SSPN: variants seen among roughly 807,000 people sequenced by gnomAD.
SSPN encodes the protein sarcospan.
A neutral mutation model predicts 19.1 loss-of-function variants in SSPN; 15 were observed. The observed-to-expected ratio is 0.78, with a 90% CI of 0.52 to 1.21. The LOEUF (loss-of-function observed/expected upper bound fraction) is 1.21. Among genes scored for constraint, SSPN ranks in the 50% most tolerant of loss-of-function variants. SSPN has a pLI of 0.00. For synonymous variants in SSPN, 147 were observed against 140.3 expected (o/e 1.05, Z -0.34); for missense variants, 291 against 314.0 (o/e 0.93, Z 0.55).
intron 1 of SSPN, chr12:26,125,046 G>C (rs1944352072): frequency 5.4e-6 from 3 of 552,906 alleles, no homozygotes; most frequent in Non-Finnish European, 9.9e-6. Context: ...TGGCCACAGG[G>C]CACGCGCGTC....
intron 2 of SSPN, among the ~76,000 whole-genome samples, chr12:26,227,928 G>A (rs1481760099): frequency 6.6e-6 from 1 of 152,134 alleles, no homozygotes; most frequent in Non-Finnish European, 1.5e-5. Flanking sequence ...TTTAATCTCT[G>A]AGCCAAAAAG....
rs1038969665 is a variant in SSPN, at chr12:26,232,493, A to C, written c.*1417A>C. Reference sequence around the variant, plus strand: ...TCAGTATGCTTTGTTGAAAGCAGAAATTAAGATAATAATTGAGTTCAATTC... The same window carrying C: ...TCAGTATGCTTTGTTGAAAGCAGAACTTAAGATAATAATTGAGTTCAATTC... On this transcript the variant is annotated 3_prime_UTR_variant, in exon 3 of 3. Coordinates refer to ENST00000242729, the MANE Select transcript of SSPN (RefSeq NM_005086.5). 2.0e-6 allele frequency: 2 copies of C among 985,406 alleles called. No homozygotes were observed. The highest frequency in any genetic ancestry group is 9.4e-5 in the South Asian group (2 of 21,292). 61.0% of individuals were successfully genotyped at this position (985,406 alleles called of 1,614,324 possible).
At chr12:26,195,989 A>G (rs1250860139) in intron 1 of SSPN, 38 bp downstream of exon 1, 1 of 1,424,384 alleles carries the variant, frequency 7.0e-7, no homozygotes, top group Admixed American at 2.9e-5. Context: ...CGCGTTTGCC[A>G]AACAGGAATG....
chr12:26,155,997 G>A (rs1011744811), intron 1 of SSPN, among the ~76,000 whole-genome samples: 1 of 152,210 alleles, frequency 6.6e-6, no homozygotes, highest in African/African-American at 2.4e-5. Flanking sequence ...TGATGAAGAA[G>A]ATTGGGAGGG....
intron 1 of SSPN, among the ~76,000 whole-genome samples, chr12:26,213,555 G>A (rs1371958406): frequency 1.3e-5 from 2 of 151,596 alleles, no homozygotes; most frequent in African/African-American, 4.9e-5. Flanking sequence ...GTTCCCTTTT[G>A]TTGTCCTTTC....
At chr12:26,135,431 G>A (rs924431863) in intron 1 of SSPN, among the ~76,000 whole-genome samples, 4 of 152,152 alleles carry the variant, frequency 2.6e-5, no homozygotes, top group Admixed American at 1.3e-4. Context: ...AGGCACAGAG[G>A]AGGCAAGGAG....
intron 1 of SSPN, among the ~76,000 whole-genome samples, chr12:26,158,857 G>A (rs1287971603): frequency 6.6e-6 from 1 of 152,258 alleles, no homozygotes; most frequent in Non-Finnish European, 1.5e-5. Flanking sequence ...CAGGACATTG[G>A]CTACCTGCTC....
At position 26,125,232 on chromosome 12, in the gene SSPN, A is replaced by C. The variant is rs565925688; in HGVS notation, c.-31+3080A>C. Reference sequence around the variant, plus strand: ...ATCAGGGCCACCGGAAAGGAAAAACAACTTCGGCCAAGCTATTCATCTTCC... The same window carrying C: ...ATCAGGGCCACCGGAAAGGAAAAACCACTTCGGCCAAGCTATTCATCTTCC... On this transcript the variant is annotated intron_variant, in intron 1 of 2. Coordinates refer to the SSPN transcript ENST00000538142. 1.8e-3 allele frequency: 447 copies of C among 252,880 alleles called. 2 individuals carry two copies. Among genetic ancestry groups the C allele is most frequent in the African/African-American group, 9.4e-3 (418 of 44,680 alleles). 15.7% of individuals were successfully genotyped at this position (252,880 alleles called of 1,614,324 possible).
intron 1 of SSPN, among the ~76,000 whole-genome samples, chr12:26,150,187 G>A (rs1187628624): frequency 6.6e-6 from 1 of 152,208 alleles, no homozygotes. Flanking sequence ...TTTGGAGAAA[G>A]CAGAAATGGG....
At chr12:26,124,639 A>G (rs1421059267) in intron 1 of SSPN, 12 of 1,611,128 alleles carry the variant, frequency 7.4e-6, no homozygotes, top group Non-Finnish European at 1.0e-5. Flanking sequence ...TGCCCTCGCC[A>G]GCTCCATACC....
chr12:26,191,904 G>T (rs1375889587), upstream of SSPN, among the ~76,000 whole-genome samples: 1 of 152,260 alleles, frequency 6.6e-6, no homozygotes, highest in East Asian at 1.9e-4. Flanking sequence ...ATATGAAAAA[G>T]ACTTGATATA....
chr12:26,221,976 T>C (rs1004124324), intron 1 of SSPN, among the ~76,000 whole-genome samples: 1 of 152,232 alleles, frequency 6.6e-6, no homozygotes, highest in African/African-American at 2.4e-5. Flanking sequence ...AATTTAGTAT[T>C]TTTTACAAAT....
chr12:26,157,769 T>C (rs1369477739), intron 1 of SSPN, among the ~76,000 whole-genome samples: 1 of 152,202 alleles, frequency 6.6e-6, no homozygotes, highest in Non-Finnish European at 1.5e-5. Flanking sequence ...TTTAAGTGAC[T>C]CAGTGATACT....
In SSPN at chr12:26,231,071, A is replaced by T. The variant is rs1945226977; in HGVS notation, c.727A>T (p.Ile243Phe). 6.2e-7 allele frequency: 1 copy of T among 1,610,224 alleles called. No homozygotes were observed. Reference sequence around the variant, plus strand: ...GGCTTCCGAAGGCCCCCAGCAAAAGATCTAACATTCTTGCTCAAAGTTGCG... The same window carrying T: ...GGCTTCCGAAGGCCCCCAGCAAAAGTTCTAACATTCTTGCTCAAAGTTGCG... ...LTASEGPQQKI is the reference protein window; with the variant it reads ...LTASEGPQQKF Residue 243 changes from isoleucine to phenylalanine, a missense_variant, in exon 3 of 3, where the codon ATC becomes TTC. By Grantham distance (21) the Ile-to-Phe change is conservative. This residue lies in a region of SSPN where 141 missense variants were observed against 166.7 expected (regional missense o/e 0.85). Transcript: ENST00000242729.
chr12:26,232,217 T>C lies in SSPN; in HGVS notation c.*1141T>C, dbSNP rs1945241937. The C allele has an allele frequency of 1.0e-6, 1 of 985,332 alleles. No homozygotes were observed. The highest frequency in any genetic ancestry group is 4.7e-5 in the South Asian group (1 of 21,292). The allele number at this position is 985,332 out of a possible 1,614,324, so 61.0% of individuals were successfully genotyped here. ...TTTGATACATAATCCTATTATTAATTCGTATGCTTAGTCAACCTAGGAAAT... is the reference window on the plus strand; with the variant it reads ...TTTGATACATAATCCTATTATTAATCCGTATGCTTAGTCAACCTAGGAAAT... On this transcript the variant is annotated 3_prime_UTR_variant, in exon 3 of 3. Transcript: ENST00000242729.
chr12:26,122,540 C>A (rs1409329500), intron 1 of SSPN: 5 of 1,251,502 alleles, frequency 4.0e-6, no homozygotes, highest in Admixed American at 6.4e-5. Flanking sequence ...ACGCCACCAG[C>A]GAGCTGAGCA....
rs1945264759 is a variant in SSPN, at chr12:26,234,353, C to A, written c.*3277C>A. ...ATATTTTCTAGAGATTGTCTCTGAACCGTTGCTACATAGCCATAAATTTCT... is the reference window on the plus strand; with the variant it reads ...ATATTTTCTAGAGATTGTCTCTGAAACGTTGCTACATAGCCATAAATTTCT... On this transcript the variant is annotated 3_prime_UTR_variant, in exon 3 of 3. Coordinates refer to ENST00000242729, the MANE Select transcript of SSPN (RefSeq NM_005086.5). The A allele has an allele frequency of 6.6e-6, 1 of 152,196 alleles. No individual in the cohort carries two copies. Among genetic ancestry groups the A allele is most frequent in the African/African-American group, 2.4e-5 (1 of 41,446 alleles). 9.4% of individuals were successfully genotyped at this position (152,196 alleles called of 1,614,324 possible). A position where few individuals can be genotyped will look rare whatever the true frequency, so the allele number is the denominator to read the frequency against.
intron 1 of SSPN, among the ~76,000 whole-genome samples, chr12:26,147,432 C>T (rs1048385553): frequency 1.3e-5 from 2 of 151,988 alleles, no homozygotes; most frequent in Admixed American, 6.6e-5. Flanking sequence ...CCATCATGCC[C>T]GGCTAATTTT....
chr12:26,149,242 C>T (rs976205364), intron 1 of SSPN, among the ~76,000 whole-genome samples: 2 of 151,826 alleles, frequency 1.3e-5, no homozygotes, highest in Non-Finnish European at 2.9e-5. Flanking sequence ...GTCTATAACT[C>T]TTGGGATTAG....
Sources: gnomAD v4.1 joint callset for allele counts (sites outside exome capture counted in the v4.1 genomes callset) on GRCh38, gnomAD v4.1.1 for gene constraint, gnomAD v4.1.1 regional missense constraint, MANE v1.5 for transcripts, NCBI Gene and HGNC (gene_info 2026-07-23, HGNC 2026-07-21) for gene names.